The following MYOM2 variants were observed in gnomAD, a reference collection of about 807,000 sequenced individuals.
The protein encoded by MYOM2 is myomesin 2.
In MYOM2, 254 loss-of-function variants were observed where a neutral mutation model predicts 187.6. That is an observed-to-expected ratio of 1.35 (90% confidence interval 1.22 to 1.50). The LOEUF (loss-of-function observed/expected upper bound fraction) is 1.50. Ranked by LOEUF, MYOM2 falls within the 40% of genes most tolerant of loss-of-function variation. The pLI, the probability that MYOM2 is intolerant of heterozygous loss-of-function variation, is 0.00. For synonymous variants in MYOM2, 981 were observed against 753.8 expected (o/e 1.30, Z -4.94); for missense variants, 2,796 against 1,924.0 (o/e 1.45, Z -8.48).
At chr8:2,132,587 CTCTCTCTCTCTT>C (rs139645257) in intron 32 of MYOM2, among the ~76,000 whole-genome samples, 21,072 of 151,982 alleles carry the variant, frequency 0.14, 2,545 homozygotes, top group African/African-American at 0.31. Context: ...CTCTTTCTCT[CTCTCTCTCTCTT>C]TTTTTGAGAC....
chr8:2,045,489 G>A (rs1016649108), intron 1 of MYOM2, among the ~76,000 whole-genome samples: 3 of 152,180 alleles, frequency 2.0e-5, no homozygotes, highest in Non-Finnish European at 2.9e-5. Flanking sequence ...CCCAGTCAGT[G>A]GACTGATGTC....
intron 25 of MYOM2, among the ~76,000 whole-genome samples, chr8:2,114,187 A>T (rs1311499322): frequency 3.3e-5 from 5 of 152,214 alleles, no homozygotes; most frequent in Non-Finnish European, 7.3e-5. Context: ...CAAGCTCAGA[A>T]CTTTGGGGCA....
intron 1 of MYOM2, among the ~76,000 whole-genome samples, chr8:2,049,037 C>T (rs556565993): frequency 1.3e-4 from 20 of 152,176 alleles, no homozygotes; most frequent in Admixed American, 2.0e-4. Context: ...GTGATCCACC[C>T]GCCTTGGCCT....
rs572901199 is a variant in MYOM2, at chr8:2,057,998, G to GTTTTTTTTTTTTTTT, written c.560+242_560+256dup. 1.4e-4 allele frequency among the ~76,000 whole-genome samples: 11 copies of GTTTTTTTTTTTTTTT among 80,716 alleles called. 1 individual carries two copies. The highest frequency in any genetic ancestry group is 2.9e-4 in the African/African-American group (6 of 20,838). 53.0% of individuals were successfully genotyped at this position (80,716 alleles called of 152,430 possible). On this transcript the variant is annotated intron_variant, in intron 5 of 36. Transcript: ENST00000262113. ...ATTGAGTCAACAAATTTTTCAGAGG[G>GTTTTTTTTTTTTTTT]TTTTTTTTTTTTTTTTTTTTTTTTT...
At chr8:2,056,022 C>A (rs1818652607) in intron 3 of MYOM2, among the ~76,000 whole-genome samples, 1 of 152,212 alleles carries the variant, frequency 6.6e-6, no homozygotes, top group Non-Finnish European at 1.5e-5. Context: ...GAACGAACCT[C>A]CCCCAGCCTA....
chr8:2,118,432 TTG>T (rs1239311498), intron 28 of MYOM2, among the ~76,000 whole-genome samples: 1 of 152,212 alleles, frequency 6.6e-6, no homozygotes, highest in Non-Finnish European at 1.5e-5. Context: ...TGCCTACTAT[TTG>T]ACTGTCTCAG....
At chr8:2,097,528 T>G (rs1021232198) in intron 18 of MYOM2, among the ~76,000 whole-genome samples, 17 of 152,188 alleles carry the variant, frequency 1.1e-4, no homozygotes, top group African/African-American at 4.1e-4. Context: ...ATTTATTTAG[T>G]TTTCGAGACA....
chr8:2,052,447 G>A, intron 3 of MYOM2, 134 bp downstream of exon 3: 1 of 931,860 alleles, frequency 1.1e-6, no homozygotes, highest in South Asian at 2.1e-5. Flanking sequence ...TGGGGTGAGA[G>A]GGAGAATGCT....
At position 2,100,927 on chromosome 8, in the gene MYOM2, T is replaced by C. The variant is rs904428735; in HGVS notation, c.2492T>C (p.Met831Thr). The C allele has an allele frequency of 1.9e-6, 3 of 1,614,102 alleles. No individual in the cohort carries two copies. Among genetic ancestry groups the C allele is most frequent in the Non-Finnish European group, 1.7e-6 (2 of 1,180,048 alleles). ...GAGGTCAGGGACACGTCCTTGGTCA[T>C]GCTGTGGAAGGCCCCTGTGTACTCC... ...FCEVRDTSLV[M>T]LWKAPVYSGS... Residue 831 changes from methionine to threonine, a missense_variant, in exon 20 of 37, where the codon ATG becomes ACG. Transcript: ENST00000262113.
chr8:2,113,549 G>A (rs1797136950), intron 25 of MYOM2, among the ~76,000 whole-genome samples: 1 of 152,098 alleles, frequency 6.6e-6, no homozygotes, highest in Non-Finnish European at 1.5e-5. Context: ...AGCTGTTGAA[G>A]GAAGAGAGGT....
intron 25 of MYOM2, among the ~76,000 whole-genome samples, chr8:2,111,791 C>G (rs3779836): frequency 0.14 from 20,852 of 152,174 alleles, 1,707 homozygotes; most frequent in East Asian, 0.22. Context: ...TGAGGTCATG[C>G]CTTCTCATTC....
At chr8:2,086,487 G>GGCAC (rs1796073227) in intron 14 of MYOM2, among the ~76,000 whole-genome samples, 2 of 128,668 alleles carry the variant, frequency 1.6e-5, no homozygotes, top group South Asian at 2.4e-4. Flanking sequence ...CATGATCTCT[G>GGCAC]TGTGGCCCCC....
At chr8:2,082,346 T>C (rs774002849) in intron 13 of MYOM2, among the ~76,000 whole-genome samples, 2 of 152,226 alleles carry the variant, frequency 1.3e-5, no homozygotes, top group Non-Finnish European at 2.9e-5. Flanking sequence ...ATTCAAGAAT[T>C]TGCTATTAGG....
rs1217894606 is a variant in MYOM2 at position 2,078,766 on chromosome 8, G to A, written c.1295G>A (p.Cys432Tyr). The A allele has an allele frequency of 4.3e-6, 7 of 1,614,026 alleles. No individual in the cohort carries two copies. Among genetic ancestry groups the A allele is most frequent in the Non-Finnish European group, 5.9e-6 (7 of 1,180,036 alleles). Residue 432 changes from cysteine (C) to tyrosine (Y), a missense_variant, in exon 12 of 37, where the codon TGC becomes TAC. By Grantham distance (194) the Cys-to-Tyr change is radical. Coordinates refer to ENST00000262113, the MANE Select transcript of MYOM2 (RefSeq NM_003970.4). ...GTAGGAACGAATAATTGGGTGCAGT[G>A]CAATGATGCACCGGTGAAAATCTGC... ...CEVGTNNWVQ[C>Y]NDAPVKICKY...
intron 15 of MYOM2, among the ~76,000 whole-genome samples, chr8:2,090,715 T>C (rs1796271920): frequency 6.6e-6 from 1 of 152,196 alleles, no homozygotes; most frequent in Non-Finnish European, 1.5e-5. Context: ...TGAGAACATT[T>C]GGTATTTGGT....
chr8:2,108,738 C>A (rs756842704), intron 23 of MYOM2, 48 bp from the exon 24 acceptor site: 52 of 1,600,980 alleles, frequency 3.2e-5, no homozygotes, highest in Non-Finnish European at 4.0e-5. Context: ...CTACAAACTT[C>A]TCTAGGTGCA....
At position 2,057,785 on chromosome 8, in the gene MYOM2, G is replaced by A. The variant is rs1818720875; in HGVS notation, c.560+5G>A. ...TCCCACGCCCGTGGTGCAGTGGTGA[G>A]GGGCTCTGTTCCCAGGGGGTGAAGA... On this transcript the variant is annotated splice_donor_5th_base_variant and intron_variant, in intron 5 of 36. Coordinates refer to ENST00000262113, the MANE Select transcript of MYOM2 (RefSeq NM_003970.4). The A allele has an allele frequency of 6.2e-7, 1 of 1,613,622 alleles. No individual in the cohort carries two copies. Among genetic ancestry groups the A allele is most frequent in the Non-Finnish European group, 8.5e-7 (1 of 1,179,660 alleles).
At chr8:2,084,436 C>T (rs1438706117) in intron 13 of MYOM2, among the ~76,000 whole-genome samples, 1 of 152,164 alleles carries the variant, frequency 6.6e-6, no homozygotes, top group African/African-American at 2.4e-5. Flanking sequence ...TCAGAGATGT[C>T]CCGGGGAGGT....
intron 11 of MYOM2, among the ~76,000 whole-genome samples, chr8:2,077,746 G>C (rs1819484022): frequency 6.6e-6 from 1 of 152,112 alleles, no homozygotes; most frequent in Non-Finnish European, 1.5e-5. Flanking sequence ...ATTACAAAAA[G>C]CGCAAACATG....
Sources: allele counts gnomAD v4.1 joint callset (sites outside exome capture counted in the v4.1 genomes callset), GRCh38; gene constraint gnomAD v4.1.1; transcripts MANE v1.5; gene names NCBI Gene and HGNC (gene_info 2026-07-23, HGNC 2026-07-21).